GRIA4: variants seen among roughly 807,000 people sequenced by gnomAD.
The protein encoded by GRIA4 is glutamate ionotropic receptor AMPA type subunit 4.
GRIA4 carries 34 observed loss-of-function variants against 104.0 expected under a neutral mutation model. The observed-to-expected ratio is 0.33, with a 90% CI of 0.25 to 0.44. The LOEUF is 0.44. Among genes scored for constraint, GRIA4 ranks in the 20% least tolerant of loss-of-function variants. GRIA4 has a pLI of 1.00. For synonymous variants in GRIA4, 386 were observed against 381.9 expected (o/e 1.01, Z -0.13); for missense variants, 750 against 1,096.5 (o/e 0.68, Z 4.46).
At chr11:105,826,336 C>A (rs1009811770) in intron 4 of GRIA4, among the ~76,000 whole-genome samples, 1 of 152,024 alleles carries the variant, frequency 6.6e-6, no homozygotes, top group African/African-American at 2.4e-5. Flanking sequence ...CCATGGGACA[C>A]CTGCATCTGA....
chr11:105,849,863 T>C (rs1944737863), intron 4 of GRIA4, among the ~76,000 whole-genome samples: 1 of 152,144 alleles, frequency 6.6e-6, no homozygotes, highest in African/African-American at 2.4e-5. Flanking sequence ...TGTTCTCGGG[T>C]TTTTTAAGCC....
chr11:105,679,711 C>A (rs1443106282), intron 3 of GRIA4, among the ~76,000 whole-genome samples: 1 of 152,082 alleles, frequency 6.6e-6, no homozygotes, highest in African/African-American at 2.4e-5. Context: ...TATATATACA[C>A]ACACACGAAC....
intron 4 of GRIA4, among the ~76,000 whole-genome samples, chr11:105,793,440 A>T (rs990970923): frequency 6.6e-6 from 1 of 152,190 alleles, no homozygotes; most frequent in Non-Finnish European, 1.5e-5. Flanking sequence ...GAAGAGACCC[A>T]TAGAATCCCA....
At chr11:105,964,362 C>G (rs781751161) in intron 14 of GRIA4, among the ~76,000 whole-genome samples, 1 of 152,122 alleles carries the variant, frequency 6.6e-6, no homozygotes. Flanking sequence ...GTTTACTCTC[C>G]AAGTGGATCA....
intron 7 of GRIA4, among the ~76,000 whole-genome samples, chr11:105,903,130 A>G (rs1024656584): frequency 6.6e-6 from 1 of 152,180 alleles, no homozygotes; most frequent in South Asian, 2.1e-4. Flanking sequence ...ATCCTAGGTT[A>G]TATTGAAAAC....
At chr11:105,787,829 T>A (rs1416290002) in intron 4 of GRIA4, among the ~76,000 whole-genome samples, 1 of 152,206 alleles carries the variant, frequency 6.6e-6, no homozygotes, top group African/African-American at 2.4e-5. Context: ...TGTTTGTTTC[T>A]ACATAAAAAG....
At chr11:105,878,846 C>T (rs1259779631) in intron 5 of GRIA4, among the ~76,000 whole-genome samples, 1 of 152,218 alleles carries the variant, frequency 6.6e-6, no homozygotes, top group African/African-American at 2.4e-5. Context: ...GTGGGATCCA[C>T]TGAGCTAGAC....
rs933570881 is a variant in GRIA4 at position 105,713,053 on chromosome 11, G to C, written c.248-39928G>C. Among the ~76,000 whole-genome samples the C allele has an allele frequency of 2.6e-5, 4 of 151,894 alleles. No individual in the cohort carries two copies. The East Asian group carries it at 7.7e-4, about 29-fold the overall frequency. On this transcript the variant is annotated intron_variant, in intron 3 of 16. Transcript: ENST00000282499. ...AACAAAACTCTTCTATTAAGTCATG[G>C]TAGGTTGATATTGCAGTATAATATA...
At chr11:105,652,098 A>G (rs978404918) in intron 3 of GRIA4, among the ~76,000 whole-genome samples, 2 of 152,156 alleles carry the variant, frequency 1.3e-5, no homozygotes, top group African/African-American at 2.4e-5. Flanking sequence ...CCTTATGCCT[A>G]TAGAAAGGGA....
chr11:105,853,943 A>G (rs1944913889), intron 4 of GRIA4, among the ~76,000 whole-genome samples: 1 of 152,188 alleles, frequency 6.6e-6, no homozygotes, highest in Non-Finnish European at 1.5e-5. Context: ...AGTTTTATAA[A>G]TCTGTCTCTT....
intron 14 of GRIA4, among the ~76,000 whole-genome samples, chr11:105,963,845 T>C (rs619323): frequency 0.65 from 98,431 of 151,974 alleles, 31,916 homozygotes; most frequent in Middle Eastern, 0.72. Context: ...ATATGGTTAA[T>C]AACCCTGTTA....
chr11:105,724,226 T>C (rs1938029864), intron 3 of GRIA4, among the ~76,000 whole-genome samples: 3 of 151,996 alleles, frequency 2.0e-5, no homozygotes, highest in Admixed American at 1.3e-4. Context: ...TGATATGCAC[T>C]AATAAGTTTA....
chr11:105,897,405 CT>C (rs1946688718), intron 6 of GRIA4, among the ~76,000 whole-genome samples: 1 of 151,600 alleles, frequency 6.6e-6, no homozygotes, highest in South Asian at 2.1e-4. Flanking sequence ...GCCTTTTTTT[CT>C]CTTTTCTGAT....
chr11:105,800,014 C>T (rs1358965104), intron 4 of GRIA4, among the ~76,000 whole-genome samples: 3 of 151,930 alleles, frequency 2.0e-5, no homozygotes, highest in South Asian at 2.1e-4. Flanking sequence ...AGGGTTTATG[C>T]GTGCATGATT....
At chr11:105,796,945 C>A (rs1942501417) in intron 4 of GRIA4, among the ~76,000 whole-genome samples, 2 of 152,004 alleles carry the variant, frequency 1.3e-5, no homozygotes, top group Admixed American at 6.6e-5. Context: ...CATAAAAATA[C>A]CGCTGGCCAG....
chr11:105,821,105 T>C (rs190548198), intron 4 of GRIA4, among the ~76,000 whole-genome samples: 1 of 152,074 alleles, frequency 6.6e-6, no homozygotes, highest in East Asian at 1.9e-4. Flanking sequence ...CATCCAAAAC[T>C]GAGAGCTCAC....
chr11:105,750,531 T>C (rs10502062), intron 3 of GRIA4, among the ~76,000 whole-genome samples: 2 of 151,760 alleles, frequency 1.3e-5, no homozygotes, highest in African/African-American at 4.8e-5. Flanking sequence ...ATGATGCAAA[T>C]GAACGAAAGC....
chr11:105,926,970 G>T (rs942455674), intron 13 of GRIA4, 31 bp downstream of exon 13: 3 of 1,459,852 alleles, frequency 2.1e-6, no homozygotes, highest in Non-Finnish European at 2.9e-6. Flanking sequence ...AAAATGAAAT[G>T]TTTATCATTT....
chr11:105,809,992 G>T (rs549536236), intron 4 of GRIA4, among the ~76,000 whole-genome samples: 7 of 152,048 alleles, frequency 4.6e-5, no homozygotes, highest in Admixed American at 2.6e-4. Context: ...AATTTTTAAA[G>T]CAGTTGCACA....
Sources: gnomAD v4.1 joint callset for allele counts (sites outside exome capture counted in the v4.1 genomes callset) on GRCh38, gnomAD v4.1.1 for gene constraint, MANE v1.5 for transcripts, NCBI Gene and HGNC (gene_info 2026-07-23, HGNC 2026-07-21) for gene names.